Variants in CTIF observed in about 807,000 individuals in gnomAD.
CTIF encodes the protein CBP80/20-dependent translation initiation factor.
In CTIF, 21 loss-of-function variants were observed where a neutral mutation model predicts 66.0. That is an observed-to-expected ratio of 0.32 (90% CI 0.23 to 0.46). The LOEUF (loss-of-function observed/expected upper bound fraction) is 0.46, where lower values mean the gene tolerates loss of function less well. CTIF is among the 20% of genes least tolerant of loss of function. CTIF has a pLI of 1.00. For missense variants in CTIF, 739 were observed against 812.7 expected, an observed-to-expected ratio of 0.91 and a Z score of 1.10; for synonymous variants, 345 against 326.4, an observed-to-expected ratio of 1.06 and a Z score of -0.62.
chr18:48,786,769 G>A (rs1167670001), intron 9 of CTIF, among the ~76,000 whole-genome samples: 1 of 152,134 alleles, frequency 6.6e-6, no homozygotes, highest in African/African-American at 2.4e-5. Flanking sequence ...AGGGAAAGGA[G>A]GAACCTGTTT....
chr18:48,711,706 C>T lies in CTIF; in HGVS notation c.584+11C>T. ...GAGAAATGATCGAAGGTAGGAGAGACTTCGTCGTGAGCTTTGGGTTTTCCT... is the reference window on the plus strand; with the variant it reads ...GAGAAATGATCGAAGGTAGGAGAGATTTCGTCGTGAGCTTTGGGTTTTCCT... On this transcript the variant is annotated intron_variant, in intron 7 of 11. Transcript: ENST00000256413. The T allele has an allele frequency of 1.2e-6, 2 of 1,611,656 alleles. No individual in the cohort carries two copies. Among genetic ancestry groups the T allele is most frequent in the Non-Finnish European group, 1.7e-6 (2 of 1,177,780 alleles).
At chr18:48,800,917 C>T (rs2068036553) in intron 9 of CTIF, among the ~76,000 whole-genome samples, 3 of 152,244 alleles carry the variant, frequency 2.0e-5, no homozygotes, top group African/African-American at 7.2e-5. Context: ...TCCTCAACCA[C>T]ATGAAACAGA....
chr18:48,640,037 G>A (rs181153338), intron 3 of CTIF, among the ~76,000 whole-genome samples: 180 of 152,360 alleles, frequency 1.2e-3, no homozygotes, highest in African/African-American at 4.0e-3. Flanking sequence ...TCATGCAGGG[G>A]CTCTCTGATG....
chr18:48,663,842 T>C lies in CTIF; in HGVS notation c.326+17T>C. ...TTCCTTCAGGTAACCTCCTCCTCCC[T>C]CCTTCCCTGTGGTGTGAGGTCCAGC... On this transcript the variant is annotated intron_variant, in intron 4 of 11. Transcript: ENST00000256413. 6.2e-7 allele frequency: 1 copy of C among 1,611,844 alleles called. No homozygotes were observed. Among genetic ancestry groups the C allele is most frequent in the East Asian group, 2.2e-5 (1 of 44,858 alleles).
At chr18:48,784,923 A>C (rs1203666067) in intron 9 of CTIF, among the ~76,000 whole-genome samples, 1 of 152,222 alleles carries the variant, frequency 6.6e-6, no homozygotes, top group South Asian at 2.1e-4. Context: ...CCACACTCCC[A>C]GGAATGGCCA....
At chr18:48,701,462 G>C (rs929039707) in intron 6 of CTIF, among the ~76,000 whole-genome samples, 2 of 152,070 alleles carry the variant, frequency 1.3e-5, no homozygotes, top group African/African-American at 4.8e-5. Context: ...ACCTGGAGAA[G>C]GCCCGTAGCC....
At chr18:48,825,344 A>C (rs1188537437) in intron 10 of CTIF, among the ~76,000 whole-genome samples, 1 of 152,164 alleles carries the variant, frequency 6.6e-6, no homozygotes, top group African/African-American at 2.4e-5. Context: ...CAAGGGACAC[A>C]ACTGGCTGCG....
rs553830056 is a variant in CTIF, at chr18:48,855,194, A to G, written c.1528-2394A>G. 1.9e-4 allele frequency among the ~76,000 whole-genome samples: 29 copies of G among 152,290 alleles called. No homozygotes were observed. The South Asian group carries it at 6.0e-3, about 32-fold the overall frequency. On this transcript the variant is annotated intron_variant, in intron 10 of 11. Transcript: ENST00000256413. ...ATCTCTCTACAGTGTGATCAAGGAG[A>G]CCTGGCATCTGGAACAGGACTGTGT...
intron 3 of CTIF, among the ~76,000 whole-genome samples, chr18:48,647,173 T>G (rs780353510): frequency 1.3e-5 from 2 of 152,196 alleles, no homozygotes; most frequent in South Asian, 2.1e-4. Flanking sequence ...GAAATCATGC[T>G]GAGTGATTTT....
chr18:48,681,373 C>G (rs1218612607), intron 6 of CTIF, among the ~76,000 whole-genome samples: 4 of 152,160 alleles, frequency 2.6e-5, no homozygotes. Flanking sequence ...GCCATTGGGT[C>G]CCTGTCCTTT....
At chr18:48,584,664 C>T (rs529816735) in intron 1 of CTIF, among the ~76,000 whole-genome samples, 3 of 152,276 alleles carry the variant, frequency 2.0e-5, no homozygotes, top group Admixed American at 1.3e-4. Context: ...CTGAGTTTGG[C>T]GATGTTCAGT....
intron 3 of CTIF, among the ~76,000 whole-genome samples, chr18:48,656,181 G>T (rs1030753774): frequency 1.3e-5 from 2 of 152,226 alleles, no homozygotes; most frequent in Non-Finnish European, 2.9e-5. Flanking sequence ...ACAGATGCTT[G>T]CAGGGGAGGG....
At chr18:48,849,860 A>G (rs2069162623) in intron 10 of CTIF, among the ~76,000 whole-genome samples, 1 of 152,174 alleles carries the variant, frequency 6.6e-6, no homozygotes, top group Non-Finnish European at 1.5e-5. Flanking sequence ...CTGGGATTAC[A>G]GGCGTGAGCC....
In CTIF at chr18:48,636,572, T is replaced by C. The variant is rs375450206; in HGVS notation, c.181-42T>C. The C allele has an allele frequency of 6.2e-6, 9 of 1,452,232 alleles. No homozygotes were observed. The African/African-American group carries it at 1.1e-4, about 18-fold the overall frequency. The allele number at this position is 1,452,232 out of a possible 1,614,324, so 90.0% of individuals were successfully genotyped here. A position where few individuals can be genotyped will look rare whatever the true frequency, so the allele number is the denominator to read the frequency against. ...CAGCCTGGCAGAGTGAGCATGGGCC[T>C]GGCTGTCCTGCCGTCACTGATCGCT... On this transcript the variant is annotated intron_variant, in intron 2 of 11. Coordinates refer to ENST00000256413, the MANE Select transcript of CTIF (RefSeq NM_014772.3).
intron 10 of CTIF, among the ~76,000 whole-genome samples, chr18:48,827,806 C>T (rs1041962867): frequency 2.0e-5 from 3 of 152,164 alleles, no homozygotes; most frequent in Non-Finnish European, 4.4e-5. Context: ...ACTTCCCACC[C>T]GCTTTGTCCC....
At chr18:48,806,845 C>T (rs1023490136) in intron 9 of CTIF, among the ~76,000 whole-genome samples, 2 of 152,112 alleles carry the variant, frequency 1.3e-5, no homozygotes, top group Non-Finnish European at 2.9e-5. Flanking sequence ...TTGATGTGGC[C>T]GGTGCAGGAA....
chr18:48,768,458 A>C (rs1909784198), intron 9 of CTIF, among the ~76,000 whole-genome samples: 1 of 152,182 alleles, frequency 6.6e-6, no homozygotes, highest in African/African-American at 2.4e-5. Flanking sequence ...AATCGGAGGT[A>C]GGTTCCAGGG....
At chr18:48,840,848 C>A (rs1044515818) in intron 10 of CTIF, among the ~76,000 whole-genome samples, 2 of 151,934 alleles carry the variant, frequency 1.3e-5, no homozygotes, top group African/African-American at 4.8e-5. Flanking sequence ...CCAGCTCCTG[C>A]CACAAGGCTT....
At chr18:48,780,447 G>A (rs1436397078) in intron 9 of CTIF, among the ~76,000 whole-genome samples, 5 of 152,122 alleles carry the variant, frequency 3.3e-5, no homozygotes, top group Non-Finnish European at 5.9e-5. Context: ...CCGTCATCTC[G>A]GTGTCCCGGT....
Sources: gnomAD v4.1 joint callset for allele counts (sites outside exome capture counted in the v4.1 genomes callset) on GRCh38, gnomAD v4.1.1 for gene constraint, MANE v1.5 for transcripts, NCBI Gene and HGNC (gene_info 2026-07-23, HGNC 2026-07-21) for gene names.